The following GNG7 variants were observed in gnomAD, a reference collection of about 807,000 sequenced individuals.
GNG7 encodes G protein subunit gamma 7.
A neutral mutation model predicts 4.0 loss-of-function variants in GNG7; 1 was observed. The ratio of observed to expected loss-of-function variants is 0.25; its 90% CI spans 0.09 to 1.18. GNG7 has a LOEUF of 1.18. GNG7 is among the 50% of genes most tolerant of loss of function. GNG7 has a pLI of 0.50. For missense variants in GNG7, 86 were observed against 91.9 expected (o/e 0.94, Z 0.26); for synonymous variants, 34 against 36.9 (o/e 0.92, Z 0.29).
intron 1 of GNG7, among the ~76,000 whole-genome samples, chr19:2,680,571 ATT>A (rs967188330): frequency 0.014 from 1,717 of 125,942 alleles, 18 homozygotes; most frequent in African/African-American, 0.049. Flanking sequence ...AAAATTTACA[ATT>A]TTTTTTTTTT....
intron 2 of GNG7, among the ~76,000 whole-genome samples, chr19:2,601,815 G>A (rs1330577023): frequency 6.6e-6 from 1 of 152,042 alleles, no homozygotes. Context: ...GTTGAAGCGG[G>A]AGGCTCACTT....
chr19:2,612,231 C>T (rs1981590733), intron 2 of GNG7, among the ~76,000 whole-genome samples: 1 of 152,046 alleles, frequency 6.6e-6, no homozygotes, highest in East Asian at 1.9e-4. Flanking sequence ...CCCCTGGGGC[C>T]CCATCCTTCT....
At chr19:2,531,725 C>A (rs1192189266) in intron 3 of GNG7, among the ~76,000 whole-genome samples, 1 of 148,704 alleles carries the variant, frequency 6.7e-6, no homozygotes, top group Admixed American at 6.7e-5. Context: ...GAACCGAGAT[C>A]GTGCCACTGC....
intron 2 of GNG7, among the ~76,000 whole-genome samples, chr19:2,624,225 C>T (rs1981954092): frequency 6.6e-6 from 1 of 151,520 alleles, no homozygotes. Flanking sequence ...TATATTTTAC[C>T]ACAATTAAAA....
At chr19:2,588,532 C>G (rs1980744532) in intron 2 of GNG7, among the ~76,000 whole-genome samples, 1 of 152,242 alleles carries the variant, frequency 6.6e-6, no homozygotes, top group South Asian at 2.1e-4. Flanking sequence ...AAAGCAGGAG[C>G]CCAGGGCGGC....
At chr19:2,568,157 A>G (rs1022631750) in intron 2 of GNG7, among the ~76,000 whole-genome samples, 5 of 149,332 alleles carry the variant, frequency 3.3e-5, no homozygotes, top group Admixed American at 2.0e-4. Context: ...GCACACACAT[A>G]CACATACATA....
chr19:2,568,743 T>TACACACATACAC (rs1980044028), intron 2 of GNG7, among the ~76,000 whole-genome samples: 1 of 144,238 alleles, frequency 6.9e-6, no homozygotes, highest in Admixed American at 6.9e-5. Context: ...TATACATACA[T>TACACACATACAC]ACACACATAC....
intron 2 of GNG7, among the ~76,000 whole-genome samples, chr19:2,606,795 T>C (rs531380114): frequency 2.6e-5 from 4 of 151,362 alleles, no homozygotes; most frequent in East Asian, 3.9e-4. Context: ...TGCAGTCTCT[T>C]TGGAACATTC....
At position 2,634,601 on chromosome 19, in the gene GNG7, G is replaced by A. The variant is rs1010051388; in HGVS notation, c.-78+11623C>T. On this transcript the variant is annotated intron_variant, in intron 2 of 4. Coordinates refer to ENST00000382159, the MANE Select transcript of GNG7 (RefSeq NM_052847.3). This position sits in a 1 kb window ranked among gnomAD's most constrained non-coding sequence, Gnocchi z 5.3. ...GTAATTACTTGCGGGCTGCACACAC[G>A]TTTTCTCTCGGGGAGGGTGGTAGCA... Among the ~76,000 whole-genome samples the A allele has an allele frequency of 1.1e-4, 16 of 152,156 alleles. No homozygotes were observed. The highest frequency in any genetic ancestry group is 2.9e-4 in the African/African-American group (12 of 41,424).
At chr19:2,627,755 C>A (rs867689486) in intron 2 of GNG7, among the ~76,000 whole-genome samples, 6 of 152,246 alleles carry the variant, frequency 3.9e-5, no homozygotes, top group African/African-American at 1.4e-4. Context: ...CATGTGCTGA[C>A]TACTCCTTCT....
chr19:2,598,937 G>T (rs1981117157), intron 2 of GNG7, among the ~76,000 whole-genome samples: 1 of 152,174 alleles, frequency 6.6e-6, no homozygotes, highest in South Asian at 2.1e-4. Context: ...CCTCAAGCTG[G>T]AAAGAAGTCT....
At chr19:2,685,186 G>C (rs1032991286) in intron 1 of GNG7, among the ~76,000 whole-genome samples, 12 of 151,978 alleles carry the variant, frequency 7.9e-5, no homozygotes, top group Non-Finnish European at 2.9e-5. Context: ...GCTGGGGAGG[G>C]GGCTGGGGAG....
chr19:2,600,778 T>C (rs144220823), intron 2 of GNG7, among the ~76,000 whole-genome samples: 1 of 152,092 alleles, frequency 6.6e-6, no homozygotes, highest in Non-Finnish European at 1.5e-5. Context: ...GCCTGGCTTC[T>C]ATCTTAGCAG....
intron 1 of GNG7, among the ~76,000 whole-genome samples, chr19:2,650,201 T>TTTTTA (rs1982774871): frequency 1.5e-5 from 2 of 136,924 alleles, no homozygotes; most frequent in Non-Finnish European, 3.2e-5. Flanking sequence ...TTTTTTTTTT[T>TTTTTA]GAGACAGAGT....
Position 2,520,670 on chromosome 19 carries a change from T to C in GNG7, c.19A>G (p.Ile7Val), listed in dbSNP as rs1369750498. 2.6e-6 allele frequency: 4 copies of C among 1,546,372 alleles called. No homozygotes were observed. The South Asian group carries it at 3.6e-5, about 14-fold the overall frequency. Residue 7 changes from isoleucine to valine, a missense_variant, in exon 4 of 5, where the codon ATA (isoleucine) becomes GTA (valine). Coordinates refer to ENST00000382159, the MANE Select transcript of GNG7 (RefSeq NM_052847.3). The stretch of plus-strand genomic sequence containing the variant: ...TCCACCAGCTTCCGGGCCTGGGCTA[T>C]GTTGTTAGTGGCTGACATTGTCTGC... MSATNNIAQARKLVEQL... is the reference protein window; with the variant it reads MSATNNVAQARKLVEQL...
chr19:2,592,339 A>G (rs1243309017), intron 2 of GNG7, among the ~76,000 whole-genome samples: 1 of 152,142 alleles, frequency 6.6e-6, no homozygotes, highest in African/African-American at 2.4e-5. Flanking sequence ...ACATTAAAAA[A>G]AAATTGCTCC....
intron 1 of GNG7, among the ~76,000 whole-genome samples, chr19:2,664,362 C>A (rs1983251492): frequency 6.6e-6 from 1 of 152,224 alleles, no homozygotes; most frequent in South Asian, 2.1e-4. Context: ...GGCAGAGAGG[C>A]CTGGACGGGC....
At position 2,566,254 on chromosome 19, in the gene GNG7, G is replaced by C. The variant is rs535908300; in HGVS notation, c.-77-11066C>G. On this transcript the variant is annotated intron_variant, in intron 2 of 4. Coordinates refer to ENST00000382159, the MANE Select transcript of GNG7 (RefSeq NM_052847.3). ...AGAATGCTGTATAGATAGGAGATTG[G>C]GGTGACAAGGCAGAGATTGGGGGTG... Among the ~76,000 whole-genome samples, 716 of 152,276 alleles carry C rather than the reference G, an allele frequency of 4.7e-3. 2 individuals are homozygous for C. Among genetic ancestry groups the C allele is most frequent in the Non-Finnish European group, 5.6e-3 (378 of 68,024 alleles).
intron 2 of GNG7, among the ~76,000 whole-genome samples, chr19:2,616,413 T>C (rs932489333): frequency 6.6e-6 from 1 of 151,848 alleles, no homozygotes; most frequent in Non-Finnish European, 1.5e-5. Flanking sequence ...CCCAGCTAAT[T>C]TTTGTATTTT....
Sources: gnomAD v4.1 joint callset for allele counts (sites outside exome capture counted in the v4.1 genomes callset) on GRCh38, gnomAD v4.1.1 for gene constraint, Gnocchi (gnomAD v3.1) non-coding constraint, MANE v1.5 for transcripts, NCBI Gene and HGNC (gene_info 2026-07-23, HGNC 2026-07-21) for gene names.